Variants in ESRRB observed in about 807,000 individuals in gnomAD.
The protein encoded by ESRRB is steroid hormone receptor ERR2.
A neutral mutation model predicts 46.0 loss-of-function variants in ESRRB; 16 were observed. The observed-to-expected ratio is 0.35, with a 90% CI of 0.24 to 0.53. The LOEUF is 0.53. Ranked by LOEUF, ESRRB falls within the 20% of genes least tolerant of loss-of-function variation. The pLI is 0.93. For synonymous variants in ESRRB, 246 were observed against 259.6 expected (o/e 0.95, Z 0.50); for missense variants, 488 against 607.4 (o/e 0.80, Z 2.07).
rs547596441 is a variant in ESRRB at position 76,333,864 on chromosome 14, C to T, written c.2+22948C>T. 2.3e-4 allele frequency among the ~76,000 whole-genome samples: 35 copies of T among 152,078 alleles called. No individual in the cohort carries two copies. In the South Asian group the frequency reaches 7.1e-3, roughly 31 times the overall value. On this transcript the variant is annotated intron_variant, in intron 1 of 6. Transcript: ENST00000512784. ...TCACGTGCTCAGTGTCAACTGCGGC[C>T]CTCGGCTACCATGTTTGACTGTGCA...
At chr14:76,450,874 T>G (rs1888356806) in intron 2 of ESRRB, among the ~76,000 whole-genome samples, 1 of 152,126 alleles carries the variant, frequency 6.6e-6, no homozygotes, top group African/African-American at 2.4e-5. Flanking sequence ...TCCTCTGGCC[T>G]CAGTTTCCTC....
At chr14:76,353,157 G>T (rs1884335034) in intron 1 of ESRRB, among the ~76,000 whole-genome samples, 1 of 152,228 alleles carries the variant, frequency 6.6e-6, no homozygotes, top group South Asian at 2.1e-4. Flanking sequence ...GAGAGTCCGG[G>T]AGTTGAAACA....
At chr14:76,337,359 A>G (rs1362515225) in intron 1 of ESRRB, among the ~76,000 whole-genome samples, 3 of 152,134 alleles carry the variant, frequency 2.0e-5, no homozygotes, top group East Asian at 3.9e-4. Context: ...AGGATGCAAT[A>G]GAGGTGTTAG....
intron 3 of ESRRB, among the ~76,000 whole-genome samples, chr14:76,473,985 G>T (rs1889474891): frequency 6.6e-6 from 1 of 152,256 alleles, no homozygotes; most frequent in Non-Finnish European, 1.5e-5. Flanking sequence ...CCAGCCTGGT[G>T]ACGAGGCCGG....
intron 2 of ESRRB, among the ~76,000 whole-genome samples, chr14:76,444,756 A>G (rs1210133188): frequency 6.6e-6 from 1 of 152,200 alleles, no homozygotes; most frequent in African/African-American, 2.4e-5. Context: ...AAACCAGGAC[A>G]TAGTCTCCTA....
At chr14:76,492,485 T>C (rs1004473038) in intron 6 of ESRRB, among the ~76,000 whole-genome samples, 1 of 152,240 alleles carries the variant, frequency 6.6e-6, no homozygotes, top group Non-Finnish European at 1.5e-5. Context: ...TTAAATTAGC[T>C]AGGAGTTTAT....
chr14:76,403,983 T>C (rs906348362), intron 1 of ESRRB, among the ~76,000 whole-genome samples: 1 of 152,164 alleles, frequency 6.6e-6, no homozygotes, highest in African/African-American at 2.4e-5. Flanking sequence ...CCTCCCAAAG[T>C]GCTGGGATTA....
At position 76,458,371 on chromosome 14, in the gene ESRRB, C is replaced by G. The variant is rs1223859633; in HGVS notation, c.461-4174C>G. Among the ~76,000 whole-genome samples, 5 of 151,730 alleles carry G rather than the reference C, an allele frequency of 3.3e-5. No individual in the cohort carries two copies. In the East Asian group the frequency reaches 9.7e-4, roughly 29 times the overall value. On this transcript the variant is annotated intron_variant, in intron 2 of 6. Coordinates refer to ENST00000644823, the MANE Select transcript of ESRRB (RefSeq NM_001379180.1). ...TTTGCTGGCAGCTAGCCGCTGGGGC[C>G]ATAAAATAAATTGAAAGGAACCAAA...
intron 1 of ESRRB, among the ~76,000 whole-genome samples, chr14:76,348,148 G>A (rs867973389): frequency 2.0e-5 from 3 of 152,160 alleles, no homozygotes; most frequent in African/African-American, 7.2e-5. Context: ...ATAATTATTA[G>A]CCACTTCAAG....
intron 3 of ESRRB, among the ~76,000 whole-genome samples, chr14:76,474,376 T>A (rs1395637839): frequency 6.6e-6 from 1 of 152,240 alleles, no homozygotes; most frequent in African/African-American, 2.4e-5. Context: ...TACATATTTT[T>A]AAAAAATTTT....
intron 1 of ESRRB, among the ~76,000 whole-genome samples, chr14:76,380,175 T>A (rs949657470): frequency 1.3e-5 from 2 of 152,210 alleles, no homozygotes; most frequent in African/African-American, 4.8e-5. Flanking sequence ...TTGAGAAAGT[T>A]TGTCCCCTTC....
intron 1 of ESRRB, among the ~76,000 whole-genome samples, chr14:76,438,936 A>G (rs1330743499): frequency 6.6e-6 from 1 of 151,344 alleles, no homozygotes. Flanking sequence ...AGTAGCTGGG[A>G]CTACAGGCAT....
intron 1 of ESRRB, among the ~76,000 whole-genome samples, chr14:76,379,565 G>A (rs1595062747): frequency 6.6e-6 from 1 of 152,238 alleles, no homozygotes; most frequent in South Asian, 2.1e-4. Context: ...CCAAGGGAGG[G>A]GCTCTAGGAA....
At chr14:76,388,341 G>A (rs1885329637) in intron 1 of ESRRB, among the ~76,000 whole-genome samples, 2 of 151,962 alleles carry the variant, frequency 1.3e-5, no homozygotes, top group South Asian at 4.2e-4. Flanking sequence ...ACCATGCCTG[G>A]CTAATTTTTT....
rs1890613609 is a variant in ESRRB, at chr14:76,500,273, C to A, written c.*1815C>A. 3 of 602,072 alleles carry A rather than the reference C, an allele frequency of 5.0e-6. No homozygotes were observed. Among genetic ancestry groups the A allele is most frequent in the Non-Finnish European group, 2.9e-6 (1 of 340,716 alleles). 37.3% of individuals were successfully genotyped at this position (602,072 alleles called of 1,614,324 possible). Reference sequence around the variant, plus strand: ...TAAGGATTTCAAGAGCCCTCCCAGACCAGTGATGTGTCCCTCCGGCTCCCC... The same window carrying A: ...TAAGGATTTCAAGAGCCCTCCCAGAACAGTGATGTGTCCCTCCGGCTCCCC... On this transcript the variant is annotated 3_prime_UTR_variant, in exon 7 of 7. Transcript: ENST00000644823.
chr14:76,434,122 C>T (rs563245492), intron 1 of ESRRB, among the ~76,000 whole-genome samples: 1 of 152,306 alleles, frequency 6.6e-6, no homozygotes, highest in East Asian at 1.9e-4. Flanking sequence ...CCATGCCTGG[C>T]GTGAGCCACT....
intron 2 of ESRRB, among the ~76,000 whole-genome samples, chr14:76,442,053 A>G (rs950060847): frequency 6.6e-6 from 1 of 152,244 alleles, no homozygotes; most frequent in African/African-American, 2.4e-5. Context: ...ACTTCCACAT[A>G]TGAGTTGAGA....
chr14:76,422,732 T>A (rs931004713), intron 1 of ESRRB, among the ~76,000 whole-genome samples: 2 of 152,254 alleles, frequency 1.3e-5, no homozygotes, highest in Admixed American at 6.5e-5. Flanking sequence ...TTACCCATTT[T>A]GCAGATGAGG....
intron 1 of ESRRB, among the ~76,000 whole-genome samples, chr14:76,365,323 T>A (rs993367570): frequency 1.3e-5 from 2 of 152,108 alleles, no homozygotes; most frequent in African/African-American, 4.8e-5. Flanking sequence ...AAAAAAATTT[T>A]AAAAAAGTAG....
Sources: allele counts gnomAD v4.1 joint callset (sites outside exome capture counted in the v4.1 genomes callset), GRCh38; gene constraint gnomAD v4.1.1; transcripts MANE v1.5; gene names NCBI Gene and HGNC (gene_info 2026-07-23, HGNC 2026-07-21).